The following RIN2 variants were observed in gnomAD, a reference collection of about 807,000 sequenced individuals.
The protein encoded by RIN2 is RAB5 interacting protein 2.
Under a neutral mutation model 78.0 loss-of-function variants are expected in RIN2, and 36 were observed. The ratio of observed to expected loss-of-function variants is 0.46; its 90% CI spans 0.35 to 0.61. RIN2 has a LOEUF of 0.61. RIN2 is among the 20% of genes least tolerant of loss of function. The pLI is 0.00. For missense variants in RIN2, 1,087 were observed against 1,159.7 expected (o/e 0.94, Z 0.91); for synonymous variants, 466 against 466.8 (o/e 1.00, Z 0.02).
At chr20:19,852,967 T>G (rs186667807) in intron 2 of RIN2, among the ~76,000 whole-genome samples, 1 of 151,822 alleles carries the variant, frequency 6.6e-6, no homozygotes, top group Non-Finnish European at 1.5e-5. Flanking sequence ...ATGTGCCATG[T>G]TGGTGTGCTG....
At chr20:19,939,710 C>T (rs2040786436) in intron 4 of RIN2, among the ~76,000 whole-genome samples, 1 of 152,178 alleles carries the variant, frequency 6.6e-6, no homozygotes, top group African/African-American at 2.4e-5. Flanking sequence ...CTTGCGGTTC[C>T]TTCTGTCTGG....
chr20:19,880,972 G>C (rs1331907672), intron 2 of RIN2, among the ~76,000 whole-genome samples: 1 of 152,158 alleles, frequency 6.6e-6, no homozygotes, highest in Non-Finnish European at 1.5e-5. Context: ...GTTAAGATGA[G>C]AGCCAGAAAT....
At chr20:19,866,151 G>A (rs1159755946) in intron 2 of RIN2, among the ~76,000 whole-genome samples, 3 of 152,012 alleles carry the variant, frequency 2.0e-5, no homozygotes, top group Admixed American at 2.0e-4. Context: ...TCAGGCATTA[G>A]ATTCTCATAA....
intron 1 of RIN2, among the ~76,000 whole-genome samples, chr20:19,766,362 C>G (rs1420900981): frequency 6.6e-6 from 1 of 152,146 alleles, no homozygotes; most frequent in East Asian, 1.9e-4. Context: ...GGCACTCTCC[C>G]TCTTTTAAAC....
At chr20:19,918,239 GA>G (rs1395960006) in intron 3 of RIN2, among the ~76,000 whole-genome samples, 1 of 146,674 alleles carries the variant, frequency 6.8e-6, no homozygotes, top group Non-Finnish European at 1.5e-5. Context: ...CCAAAGGCCA[GA>G]AAGGTTAAGC....
chr20:19,765,210 A>G (rs1364297929), intron 1 of RIN2, among the ~76,000 whole-genome samples: 3 of 152,044 alleles, frequency 2.0e-5, no homozygotes, highest in African/African-American at 4.8e-5. Flanking sequence ...TCACTTATTA[A>G]TTCTTCCAGT....
At chr20:19,869,081 CAAAA>C (rs11413677) in intron 2 of RIN2, among the ~76,000 whole-genome samples, 1 of 76,316 alleles carries the variant, frequency 1.3e-5, no homozygotes, top group Non-Finnish European at 2.3e-5. Flanking sequence ...GACTCCGTCT[CAAAA>C]AAAAAAAAAA....
intron 2 of RIN2, among the ~76,000 whole-genome samples, chr20:19,831,994 T>C (rs1032372975): frequency 2.0e-5 from 3 of 152,166 alleles, no homozygotes; most frequent in East Asian, 1.9e-4. Context: ...TGATAGCAGA[T>C]CTTACACAGT....
intron 4 of RIN2, among the ~76,000 whole-genome samples, chr20:19,937,766 T>TGTAAAACAGC (rs2040705116): frequency 6.6e-6 from 1 of 152,230 alleles, no homozygotes; most frequent in Non-Finnish European, 1.5e-5. Context: ...TTCCATGGCA[T>TGTAAAACAGC]AGGTGCTTCT....
chr20:19,858,562 G>C (rs2037236713), intron 2 of RIN2, among the ~76,000 whole-genome samples: 1 of 152,166 alleles, frequency 6.6e-6, no homozygotes, highest in African/African-American at 2.4e-5. Flanking sequence ...ACATGAAAAA[G>C]TTAATGAAGT....
At chr20:19,838,649 G>C (rs2036490918) in intron 2 of RIN2, among the ~76,000 whole-genome samples, 1 of 152,156 alleles carries the variant, frequency 6.6e-6, no homozygotes, top group Admixed American at 6.5e-5. Flanking sequence ...CTTCCAGTCA[G>C]GTCTCTTTCC....
At chr20:19,820,639 G>C (rs2035898622) in intron 2 of RIN2, among the ~76,000 whole-genome samples, 1 of 152,126 alleles carries the variant, frequency 6.6e-6, no homozygotes, top group Non-Finnish European at 1.5e-5. Context: ...GTTTCCACCA[G>C]GTTCCAGGCC....
At chr20:19,935,753 C>T (rs1488152606) in intron 4 of RIN2, 2 of 353,862 alleles carry the variant, frequency 5.7e-6, no homozygotes, top group Non-Finnish European at 7.8e-6. Flanking sequence ...ACATACTGCA[C>T]ACCGTCTGAA....
chr20:19,958,424 G>A (rs1035793055), intron 5 of RIN2, among the ~76,000 whole-genome samples: 3 of 152,246 alleles, frequency 2.0e-5, no homozygotes, highest in Non-Finnish European at 2.9e-5. Flanking sequence ...GGTAGGGCAC[G>A]TCCACTCTTG....
chr20:19,893,369 T>G (rs2038571476), intron 3 of RIN2, among the ~76,000 whole-genome samples: 1 of 152,210 alleles, frequency 6.6e-6, no homozygotes, highest in African/African-American at 2.4e-5. Flanking sequence ...CACATGAGTA[T>G]TATCCCTCTC....
chr20:19,961,315 C>A (rs959718863), intron 6 of RIN2, among the ~76,000 whole-genome samples: 3 of 152,174 alleles, frequency 2.0e-5, no homozygotes, highest in Admixed American at 2.0e-4. Context: ...AGAATCCAAC[C>A]TTTTGATGAA....
intron 2 of RIN2, among the ~76,000 whole-genome samples, chr20:19,872,594 T>C (rs576929915): frequency 8.0e-4 from 122 of 152,258 alleles, no homozygotes; most frequent in South Asian, 1.7e-3. Flanking sequence ...ACAACCCAGC[T>C]TCCTTGACCT....
chr20:19,826,687 C>G (rs1038063779), intron 2 of RIN2, among the ~76,000 whole-genome samples: 3 of 152,140 alleles, frequency 2.0e-5, no homozygotes, highest in African/African-American at 7.2e-5. Context: ...CTGTTCAATC[C>G]TTATCCTGGT....
intron 3 of RIN2, among the ~76,000 whole-genome samples, chr20:19,912,475 CT>C (rs545323465): frequency 4.9e-4 from 54 of 110,934 alleles, no homozygotes; most frequent in Admixed American, 9.4e-4. Context: ...TTTTCTTTTT[CT>C]TTTTTTTTTT....
Sources: gnomAD v4.1 joint callset for allele counts (sites outside exome capture counted in the v4.1 genomes callset) on GRCh38, gnomAD v4.1.1 for gene constraint, MANE v1.5 for transcripts, NCBI Gene and HGNC (gene_info 2026-07-23, HGNC 2026-07-21) for gene names.